MAPK10: variants seen among roughly 807,000 people sequenced by gnomAD.
MAPK10 encodes the protein mitogen-activated protein kinase 10.
Under a neutral mutation model 59.3 loss-of-function variants are expected in MAPK10, and 25 were observed. The observed-to-expected ratio is 0.42, with a 90% confidence interval of 0.31 to 0.59. The LOEUF (loss-of-function observed/expected upper bound fraction) is 0.59, where lower values mean the gene tolerates loss of function less well. Among genes scored for constraint, MAPK10 ranks in the 20% least tolerant of loss-of-function variants. The probability of loss-of-function intolerance (pLI) is 0.15; values close to 1 mark genes in which losing one functional copy is unlikely to be tolerated. For synonymous variants in MAPK10, 190 were observed against 200.5 expected, an observed-to-expected ratio of 0.95 and a Z score of 0.44; for missense variants, 351 against 568.9, an observed-to-expected ratio of 0.62 and a Z score of 3.90.
chr4:86,084,470 AGAAG>A (rs1407666733), intron 9 of MAPK10, among the ~76,000 whole-genome samples: 1 of 152,246 alleles, frequency 6.6e-6, no homozygotes, highest in Admixed American at 6.5e-5. Flanking sequence ...AACAATCTGA[AGAAG>A]AAATCAAAAG....
chr4:86,484,412 ATCCTGTCTC>A (rs57550492), intron 1 of MAPK10, among the ~76,000 whole-genome samples: 4,363 of 152,200 alleles, frequency 0.029, 219 homozygotes, highest in African/African-American at 0.099. Context: ...TCACTTTCTC[ATCCTGTCTC>A]TCCTAGTAGT....
intron 2 of MAPK10, among the ~76,000 whole-genome samples, chr4:86,323,704 T>C (rs1425818038): frequency 2.6e-5 from 4 of 152,200 alleles, no homozygotes; most frequent in South Asian, 4.1e-4. Context: ...AATATAATAA[T>C]AGCATTATCA....
chr4:86,051,548 A>G lies in MAPK10; in HGVS notation c.1110+12718T>C, dbSNP rs142620043. On this transcript the variant is annotated intron_variant, in intron 11 of 13. Transcript: ENST00000641462. ...TTCCGACTTCATGTCTATAGCTTTC[A>G]TTTAGGGATTTTTAAATGTCAGCAT... 4.2e-3 allele frequency among the ~76,000 whole-genome samples: 633 copies of G among 152,244 alleles called. 4 individuals are homozygous for G. Among genetic ancestry groups the G allele is most frequent in the Admixed American group, 0.016 (243 of 15,262 alleles).
intron 1 of MAPK10, among the ~76,000 whole-genome samples, chr4:86,538,695 C>A (rs930383834): frequency 2.0e-5 from 3 of 152,088 alleles, no homozygotes; most frequent in African/African-American, 4.8e-5. Flanking sequence ...GAACAAGGTA[C>A]TCCATAGGAT....
chr4:86,292,406 T>C (rs1342664918), intron 2 of MAPK10, among the ~76,000 whole-genome samples: 1 of 152,164 alleles, frequency 6.6e-6, no homozygotes, highest in African/African-American at 2.4e-5. Flanking sequence ...AGGAAATTCC[T>C]GGTATCAACT....
At chr4:86,282,949 T>C (rs889755443) in intron 2 of MAPK10, among the ~76,000 whole-genome samples, 6 of 152,220 alleles carry the variant, frequency 3.9e-5, no homozygotes, top group African/African-American at 1.2e-4. Flanking sequence ...TGTAATAGGT[T>C]GTATCTGCTT....
At position 86,366,627 on chromosome 4, in the gene MAPK10, A is replaced by C. The variant is rs149965568; in HGVS notation, c.-121-11983T>G. 3.9e-3 allele frequency among the ~76,000 whole-genome samples: 595 copies of C among 152,294 alleles called. 3 individuals carry two copies. Among genetic ancestry groups the C allele is most frequent in the African/African-American group, 0.014 (566 of 41,562 alleles). On this transcript the variant is annotated intron_variant, in intron 1 of 13. Transcript: ENST00000361569. ...GCAGACAATTGATGGAGATTTACAT[A>C]GCAATCAACAGATGAGAATTCAGAC...
chr4:86,585,431 C>T (rs1762593037), intron 1 of MAPK10, among the ~76,000 whole-genome samples: 1 of 152,178 alleles, frequency 6.6e-6, no homozygotes, highest in Non-Finnish European at 1.5e-5. Flanking sequence ...AAACAAAAAA[C>T]TGTTGGTTTT....
intron 1 of MAPK10, among the ~76,000 whole-genome samples, chr4:86,374,245 C>T (rs1470791835): frequency 6.6e-6 from 1 of 151,774 alleles, no homozygotes. Flanking sequence ...TATCACACAC[C>T]AGGGCCTGTT....
In MAPK10 at chr4:86,013,433, TAGA is replaced by T. The variant is rs1386798426; in HGVS notation, c.*3792_*3794del. ...CAATTTTACTCCTCTTTCTGAGCTG[TAGA>T]AGAATACATTTTTCAGCAAAGCTGG... is the stretch of plus-strand genomic sequence containing the variant. On this transcript the variant is annotated 3_prime_UTR_variant, in exon 14 of 14. Coordinates refer to ENST00000641462, the MANE Select transcript of MAPK10 (RefSeq NM_138982.4). 1 of 152,180 alleles carries T rather than the reference TAGA, an allele frequency of 6.6e-6. No individual in the cohort carries two copies. The highest frequency in any genetic ancestry group is 1.9e-4 in the East Asian group (1 of 5,190). 9.4% of individuals were successfully genotyped at this position (152,180 alleles called of 1,614,324 possible). A position where few individuals can be genotyped will look rare whatever the true frequency, so the allele number is the denominator to read the frequency against.
At chr4:86,499,178 CA>C (rs1214862501) in intron 1 of MAPK10, among the ~76,000 whole-genome samples, 2 of 152,144 alleles carry the variant, frequency 1.3e-5, no homozygotes, top group African/African-American at 4.8e-5. Flanking sequence ...AAGGAGTATG[CA>C]AACCTCAGGA....
intron 4 of MAPK10, chr4:86,120,299 G>A (rs2149111368): frequency 6.6e-6 from 1 of 152,372 alleles, no homozygotes; most frequent in East Asian, 1.9e-4. Flanking sequence ...AAGCAAGGCA[G>A]CAAGTGGGTC....
At chr4:86,049,149 T>C (rs138639133) in intron 11 of MAPK10, among the ~76,000 whole-genome samples, 2 of 152,202 alleles carry the variant, frequency 1.3e-5, no homozygotes, top group East Asian at 3.9e-4. Context: ...TGAGGATTTA[T>C]TTCCAATTAA....
At chr4:86,314,344 C>T (rs1038372884) in intron 2 of MAPK10, among the ~76,000 whole-genome samples, 7 of 152,134 alleles carry the variant, frequency 4.6e-5, no homozygotes, top group African/African-American at 1.2e-4. Flanking sequence ...GGGAGGAACC[C>T]GGTGGGAGAT....
chr4:86,323,929 G>C (rs2095960095), intron 2 of MAPK10, among the ~76,000 whole-genome samples: 1 of 152,146 alleles, frequency 6.6e-6, no homozygotes, highest in Non-Finnish European at 1.5e-5. Flanking sequence ...TTAGAATGCA[G>C]GGTTAGACTA....
At position 86,098,605 on chromosome 4, in the gene MAPK10, G is replaced by T. The variant is rs1447644306; in HGVS notation, c.731-10C>A. Reference sequence around the variant, plus strand: ...ACAGACCATATATCCACTAGAACAGGAGAGAGAGGGTAGTGAAGAAAAGGG... The same window carrying T: ...ACAGACCATATATCCACTAGAACAGTAGAGAGAGGGTAGTGAAGAAAAGGG... On this transcript the variant is annotated splice_polypyrimidine_tract_variant and intron_variant, in intron 8 of 13. Transcript: ENST00000641462. 1.9e-6 allele frequency: 3 copies of T among 1,597,152 alleles called. No homozygotes were observed. Among genetic ancestry groups the T allele is most frequent in the Admixed American group, 1.7e-5 (1 of 59,862 alleles).
At chr4:86,226,548 T>G (rs946034935) in intron 2 of MAPK10, among the ~76,000 whole-genome samples, 5 of 152,210 alleles carry the variant, frequency 3.3e-5, no homozygotes, top group African/African-American at 1.2e-4. Flanking sequence ...GTAACCAGCA[T>G]TAAACCTTGA....
At chr4:86,495,171 G>A (rs916422140) in intron 1 of MAPK10, among the ~76,000 whole-genome samples, 4 of 152,170 alleles carry the variant, frequency 2.6e-5, no homozygotes, top group Admixed American at 1.3e-4. Context: ...GGTTGAGGAT[G>A]TAGTCCATAA....
At chr4:86,361,370 T>C (rs772859232), upstream of MAPK10, among the ~76,000 whole-genome samples, 29 of 152,184 alleles carry the variant, frequency 1.9e-4, no homozygotes, top group Non-Finnish European at 3.5e-4. Context: ...GACTATCTTC[T>C]AGTCTTCTCA....
Sources: gnomAD v4.1 joint callset for allele counts (sites outside exome capture counted in the v4.1 genomes callset) on GRCh38, gnomAD v4.1.1 for gene constraint, MANE v1.5 for transcripts, NCBI Gene and HGNC (gene_info 2026-07-23, HGNC 2026-07-21) for gene names.